Variants in GOLGA7B observed in about 807,000 individuals in gnomAD.
GOLGA7B encodes the protein golgin A7 family member B.
GOLGA7B carries 17 observed loss-of-function variants against 21.5 expected under a neutral mutation model. That is an observed-to-expected ratio of 0.79 (90% CI 0.54 to 1.19). GOLGA7B has a LOEUF of 1.19. Ranked by LOEUF, GOLGA7B falls within the 50% of genes most tolerant of loss-of-function variation. The pLI is 0.00. For synonymous variants in GOLGA7B, 87 were observed against 84.0 expected (o/e 1.04, Z -0.19); for missense variants, 169 against 224.4 (o/e 0.75, Z 1.58).
chr10:97,865,312 C>A (rs937076582), intron 4 of GOLGA7B: 2 of 451,178 alleles, frequency 4.4e-6, no homozygotes, highest in Non-Finnish European at 3.9e-6. Context: ...ATTAGACCCA[C>A]TGGAATGTAA....
rs893493094 is a variant in GOLGA7B, at chr10:97,868,495, A to G, written c.*2795A>G. ...GAGGGGCTCATCAGACTGTGGGGAC[A>G]ACGGCTCCAGCCTCTTAGGTGGGGG... is the stretch of plus-strand genomic sequence containing the variant. On this transcript the variant is annotated 3_prime_UTR_variant, in exon 5 of 5. Transcript: ENST00000370602. The G allele has an allele frequency of 2.0e-5, 3 of 152,266 alleles. No homozygotes were observed. The highest frequency in any genetic ancestry group is 1.3e-4 in the Admixed American group (2 of 15,286). The allele number at this position is 152,266 out of a possible 1,614,324, so 9.4% of individuals were successfully genotyped here.
intron 4 of GOLGA7B, among the ~76,000 whole-genome samples, chr10:97,864,831 C>CG (rs1014145241): frequency 1.3e-5 from 2 of 152,084 alleles, no homozygotes; most frequent in African/African-American, 4.8e-5. Flanking sequence ...AGAGGCTGGA[C>CG]GGGGGTGGGG....
chr10:97,858,912 T>G (rs2049953177), intron 1 of GOLGA7B, among the ~76,000 whole-genome samples: 1 of 152,246 alleles, frequency 6.6e-6, no homozygotes, highest in Non-Finnish European at 1.5e-5. Context: ...TCTTGTTCAG[T>G]GCTGGGTTCC....
In GOLGA7B at chr10:97,865,380, G is replaced by C. The variant is rs2050007439; in HGVS notation, c.394-210G>C. On this transcript the variant is annotated intron_variant, in intron 4 of 4. Coordinates refer to ENST00000370602, the MANE Select transcript of GOLGA7B (RefSeq NM_001010917.3). ...ATCACAGCTATGTGCCCAGCACAGG[G>C]CCTGGCCTTACGAGTCTCCCTAATT... The C allele has an allele frequency of 5.1e-6, 4 of 786,520 alleles. No individual in the cohort carries two copies. In the East Asian group the frequency reaches 1.1e-4, roughly 22 times the overall value. 48.7% of individuals were successfully genotyped at this position (786,520 alleles called of 1,614,324 possible). A position where few individuals can be genotyped will look rare whatever the true frequency, so the allele number is the denominator to read the frequency against.
rs2050050268 is a variant in GOLGA7B, at chr10:97,868,160, G to A, written c.*2460G>A. 1 of 152,252 alleles carries A rather than the reference G, an allele frequency of 6.6e-6. No individual in the cohort carries two copies. Among genetic ancestry groups the A allele is most frequent in the African/African-American group, 2.4e-5 (1 of 41,458 alleles). 9.4% of individuals were successfully genotyped at this position (152,252 alleles called of 1,614,324 possible). A position where few individuals can be genotyped will look rare whatever the true frequency, so the allele number is the denominator to read the frequency against. On this transcript the variant is annotated 3_prime_UTR_variant, in exon 5 of 5. Transcript: ENST00000370602. ...AATATGGAGAAAGTAGCTGGATGTT[G>A]GAACCTAGCAGAGTTGTGTCTTGAA...
intron 1 of GOLGA7B, among the ~76,000 whole-genome samples, chr10:97,857,495 T>C (rs2049943704): frequency 6.6e-6 from 1 of 151,732 alleles, no homozygotes; most frequent in South Asian, 2.1e-4. Flanking sequence ...TGGAAAGACA[T>C]CCCATGCTAA....
rs2136522917 is a variant in GOLGA7B, at chr10:97,866,994, A to G, written c.*1294A>G. ...AGCCCCTTGCCCCTCCCCTAGGGCTACCAGGGAACATACTCTACTGCATAT... is the reference window on the plus strand; with the variant it reads ...AGCCCCTTGCCCCTCCCCTAGGGCTGCCAGGGAACATACTCTACTGCATAT... On this transcript the variant is annotated 3_prime_UTR_variant, in exon 5 of 5. Coordinates refer to ENST00000370602, the MANE Select transcript of GOLGA7B (RefSeq NM_001010917.3). 6.6e-6 allele frequency: 1 copy of G among 152,298 alleles called. No homozygotes were observed. The highest frequency in any genetic ancestry group is 3.4e-3 in the Middle Eastern group (1 of 294). 9.4% of individuals were successfully genotyped at this position (152,298 alleles called of 1,614,324 possible). A position where few individuals can be genotyped will look rare whatever the true frequency, so the allele number is the denominator to read the frequency against.
chr10:97,859,696 C>T, intron 2 of GOLGA7B, 113 bp downstream of exon 2: 1 of 1,059,394 alleles, frequency 9.4e-7, no homozygotes, highest in Non-Finnish European at 1.3e-6. Flanking sequence ...GGACACGTAA[C>T]ATGTTTGGCC....
intron 1 of GOLGA7B, among the ~76,000 whole-genome samples, chr10:97,855,892 C>A (rs2049932220): frequency 6.6e-6 from 1 of 152,186 alleles, no homozygotes; most frequent in African/African-American, 2.4e-5. Context: ...ATTATTTAAT[C>A]CAGTCACAAT....
At chr10:97,860,188 A>G (rs1485591589) in intron 2 of GOLGA7B, among the ~76,000 whole-genome samples, 1 of 152,216 alleles carries the variant, frequency 6.6e-6, no homozygotes, top group African/African-American at 2.4e-5. Context: ...GGTACATGAG[A>G]TATTTTGATA....
intron 2 of GOLGA7B, among the ~76,000 whole-genome samples, chr10:97,863,484 A>G (rs2049985032): frequency 1.3e-5 from 2 of 152,126 alleles, no homozygotes; most frequent in Non-Finnish European, 1.5e-5. Context: ...ATGCAGTCCC[A>G]TCCAAACATG....
intron 1 of GOLGA7B, among the ~76,000 whole-genome samples, chr10:97,858,868 T>TCC (rs2049952974): frequency 1.3e-5 from 2 of 152,250 alleles, no homozygotes; most frequent in Non-Finnish European, 2.9e-5. Flanking sequence ...TGCAACTCTG[T>TCC]TGTGAGCTCC....
intron 1 of GOLGA7B, among the ~76,000 whole-genome samples, chr10:97,857,180 G>A (rs532326657): frequency 6.6e-6 from 1 of 151,988 alleles, no homozygotes; most frequent in Non-Finnish European, 1.5e-5. Flanking sequence ...TTTTTCCTAG[G>A]TTTTCGTCTA....
intron 2 of GOLGA7B, among the ~76,000 whole-genome samples, chr10:97,861,897 C>A (rs189761994): frequency 1.6e-4 from 24 of 152,316 alleles, no homozygotes; most frequent in African/African-American, 5.5e-4. Flanking sequence ...TCTATGAGTT[C>A]TCCCCAGGTC....
chr10:97,867,741 A>G lies in GOLGA7B; in HGVS notation c.*2041A>G, dbSNP rs1484573340. The G allele has an allele frequency of 1.3e-5, 2 of 150,632 alleles. No homozygotes were observed. The highest frequency in any genetic ancestry group is 2.0e-4 in the East Asian group (1 of 5,122). 9.3% of individuals were successfully genotyped at this position (150,632 alleles called of 1,614,324 possible). A position where few individuals can be genotyped will look rare whatever the true frequency, so the allele number is the denominator to read the frequency against. ...CTTTTTCCAATAAAAGAACTTGCCCAGCGTGAAGCTCTGTGATGCTTTCTC... is the reference window on the plus strand; with the variant it reads ...CTTTTTCCAATAAAAGAACTTGCCCGGCGTGAAGCTCTGTGATGCTTTCTC... On this transcript the variant is annotated 3_prime_UTR_variant, in exon 5 of 5. Coordinates refer to ENST00000370602, the MANE Select transcript of GOLGA7B (RefSeq NM_001010917.3).
chr10:97,855,526 T>C (rs1228442081), intron 1 of GOLGA7B, among the ~76,000 whole-genome samples: 1 of 152,168 alleles, frequency 6.6e-6, no homozygotes, highest in Non-Finnish European at 1.5e-5. Flanking sequence ...CATGGACTAT[T>C]AGAAAGAGAA....
At chr10:97,858,801 C>T (rs2049952415) in intron 1 of GOLGA7B, among the ~76,000 whole-genome samples, 1 of 152,222 alleles carries the variant, frequency 6.6e-6, no homozygotes, top group African/African-American at 2.4e-5. Context: ...GGCCTGGACC[C>T]CAGTCTCTGA....
Position 97,850,209 on chromosome 10 carries a change from T to TCGCCGCCAC in GOLGA7B, c.-87_-79dup, listed in dbSNP as rs1590157079. On this transcript the variant is annotated 5_prime_UTR_variant, in exon 1 of 5. Coordinates refer to ENST00000370602, the MANE Select transcript of GOLGA7B (RefSeq NM_001010917.3). Reference sequence around the variant, plus strand: ...TGCGGACAGCGCCCCGGGCCCCAGCTCGCCGCCACCGCCGCCGCCCACCTG... The same window carrying TCGCCGCCAC: ...TGCGGACAGCGCCCCGGGCCCCAGCTCGCCGCCACCGCCGCCACCGCCGCCGCCCACCTG... 6 of 831,318 alleles carry TCGCCGCCAC rather than the reference T, an allele frequency of 7.2e-6. No homozygotes were observed. In the East Asian group the frequency reaches 2.1e-4, roughly 28 times the overall value. 51.5% of individuals were successfully genotyped at this position (831,318 alleles called of 1,614,324 possible).
At chr10:97,854,857 A>T (rs2049925340) in intron 1 of GOLGA7B, among the ~76,000 whole-genome samples, 2 of 152,202 alleles carry the variant, frequency 1.3e-5, no homozygotes, top group South Asian at 4.1e-4. Flanking sequence ...CCAGGCGGTG[A>T]TTCAAGGCAG....
Sources: gnomAD v4.1 joint callset for allele counts (sites outside exome capture counted in the v4.1 genomes callset) on GRCh38, gnomAD v4.1.1 for gene constraint, MANE v1.5 for transcripts, NCBI Gene and HGNC (gene_info 2026-07-23, HGNC 2026-07-21) for gene names.